Variants in FAM13B observed in about 807,000 individuals in gnomAD.
FAM13B encodes protein FAM13B.
FAM13B carries 60 observed loss-of-function variants against 117.3 expected under a neutral mutation model. The ratio of observed to expected loss-of-function variants is 0.51; its 90% confidence interval spans 0.42 to 0.63. The LOEUF is 0.63. Ranked by LOEUF, FAM13B falls within the 30% of genes least tolerant of loss-of-function variation. The probability of loss-of-function intolerance (pLI) is 0.00; values close to 1 mark genes in which losing one functional copy is unlikely to be tolerated. For missense variants in FAM13B, 972 were observed against 1,091.9 expected (o/e 0.89, Z 1.55); for synonymous variants, 332 against 356.1 (o/e 0.93, Z 0.76).
intron 7 of FAM13B, among the ~76,000 whole-genome samples, chr5:137,991,461 G>A (rs931595576): frequency 6.6e-6 from 1 of 152,198 alleles, no homozygotes; most frequent in African/African-American, 2.4e-5. Context: ...CATCTCTAGA[G>A]CAGGGATGTC....
chr5:137,973,826 T>C (rs1773069574), intron 10 of FAM13B, among the ~76,000 whole-genome samples: 1 of 137,472 alleles, frequency 7.3e-6, no homozygotes, highest in Non-Finnish European at 1.6e-5. Context: ...AAAGAAGACA[T>C]TTATGCAGCC....
rs752750180 is a variant in FAM13B at position 137,954,288 on chromosome 5, G to T, written c.1596C>A (p.His532Gln). The T allele has an allele frequency of 1.2e-6, 2 of 1,613,880 alleles. No individual in the cohort carries two copies. The highest frequency in any genetic ancestry group is 1.7e-5 in the Admixed American group (1 of 59,992). Reference protein sequence around the residue: ...LSPQAGRMNHHPLEEDCPPVL... With the variant: ...LSPQAGRMNHQPLEEDCPPVL... ...CTGGAGGACAGTCCTCTTCCAAGGG[G>T]TGATGATTCATTCTTCCAGCTTGTG... The change falls in exon 15 of 24, where the codon CAC becomes CAA. Residue 532 changes from histidine (H) to glutamine (Q), a missense_variant. His to Gln is a conservative substitution (Grantham distance 24). Transcript: ENST00000689681.
chr5:138,021,577 T>A (rs1481841144), intron 1 of FAM13B, among the ~76,000 whole-genome samples: 1 of 152,166 alleles, frequency 6.6e-6, no homozygotes, highest in Admixed American at 6.6e-5. Flanking sequence ...TTTCAAAAGA[T>A]CAAAGAATCA....
chr5:138,032,174 C>T (rs561384329), intron 1 of FAM13B, among the ~76,000 whole-genome samples: 42 of 152,318 alleles, frequency 2.8e-4, no homozygotes, highest in African/African-American at 8.7e-4. Context: ...GGAAACCAGG[C>T]GTGCCACGCG....
At chr5:137,954,781 A>C (rs1166153051) in intron 14 of FAM13B, among the ~76,000 whole-genome samples, 1 of 151,802 alleles carries the variant, frequency 6.6e-6, no homozygotes, top group Non-Finnish European at 1.5e-5. Context: ...ACGCCTGACT[A>C]ATTTTCTTTT....
In FAM13B at chr5:138,045,633, C is replaced by A. The variant is rs111279852; in HGVS notation, c.-203+6245G>T. On this transcript the variant is annotated intron_variant, in intron 1 of 3. Coordinates refer to the FAM13B transcript ENST00000502471. ...GAAGGTAAATAAAATACAAAAGAAA[C>A]CTACAGAATGGCTCTTTTATAAAGT... Among the ~76,000 whole-genome samples, 8 of 152,158 alleles carry A rather than the reference C, an allele frequency of 5.3e-5. 1 individual carries two copies. Among genetic ancestry groups the A allele is most frequent in the African/African-American group, 1.9e-4 (8 of 41,530 alleles).
chr5:137,988,233 T>A, intron 8 of FAM13B, 41 bp downstream of exon 8: 1 of 1,435,520 alleles, frequency 7.0e-7, no homozygotes, highest in African/African-American at 1.5e-5. Context: ...AGTAGTATTT[T>A]AAAATCTTAA....
At chr5:138,022,868 AC>A (rs1787147343) in intron 1 of FAM13B, among the ~76,000 whole-genome samples, 1 of 151,200 alleles carries the variant, frequency 6.6e-6, no homozygotes, top group African/African-American at 2.4e-5. Flanking sequence ...TCACTCTGTC[AC>A]CCAGGCTGGA....
At chr5:138,004,835 G>A (rs750947279) in intron 7 of FAM13B, among the ~76,000 whole-genome samples, 1 of 152,034 alleles carries the variant, frequency 6.6e-6, no homozygotes, top group Non-Finnish European at 1.5e-5. Context: ...CTGTGATTGT[G>A]CCACTGCACT....
intron 10 of FAM13B, among the ~76,000 whole-genome samples, chr5:137,984,766 G>T (rs1040714642): frequency 4.8e-4 from 71 of 147,974 alleles, no homozygotes; most frequent in African/African-American, 1.6e-3. Context: ...AAAATAAGTT[G>T]TTTTTTTTTT....
chr5:138,030,721 C>G (rs1004970076), intron 1 of FAM13B, among the ~76,000 whole-genome samples: 6 of 142,396 alleles, frequency 4.2e-5, no homozygotes, highest in Non-Finnish European at 6.1e-5. Flanking sequence ...TCCCCCCCCC[C>G]CAAAAAAAAA....
At chr5:137,954,555 T>A (rs34027179) in intron 14 of FAM13B, 179 bp from the exon 15 acceptor site, 74 of 323,582 alleles carry the variant, frequency 2.3e-4, no homozygotes, top group African/African-American at 1.1e-3. Flanking sequence ...TATATATATA[T>A]AATCTTCATA....
chr5:138,025,361 G>A (rs1223431287), intron 1 of FAM13B, among the ~76,000 whole-genome samples: 1 of 137,656 alleles, frequency 7.3e-6, no homozygotes, highest in Non-Finnish European at 1.5e-5. Context: ...TGTTGCCCAG[G>A]CTGGAGTACA....
chr5:138,031,763 C>T (rs1356073651), intron 1 of FAM13B, among the ~76,000 whole-genome samples: 1 of 151,674 alleles, frequency 6.6e-6, no homozygotes, highest in African/African-American at 2.4e-5. Flanking sequence ...CATCAACAAG[C>T]ACTTAGTAAA....
intron 10 of FAM13B, among the ~76,000 whole-genome samples, chr5:137,979,012 A>G (rs1422611359): frequency 7.0e-6 from 1 of 143,692 alleles, no homozygotes; most frequent in Admixed American, 6.9e-5. Flanking sequence ...CACAGTTCAG[A>G]CTTTTTTTTT....
At chr5:138,012,688 G>A (rs927333925) in intron 4 of FAM13B, among the ~76,000 whole-genome samples, 5 of 152,150 alleles carry the variant, frequency 3.3e-5, no homozygotes, top group African/African-American at 1.2e-4. Context: ...GGAGAAATAA[G>A]TGCTCAGAGG....
At chr5:137,945,128 C>A (rs1408097379) in intron 20 of FAM13B, among the ~76,000 whole-genome samples, 4 of 152,068 alleles carry the variant, frequency 2.6e-5, no homozygotes, top group Non-Finnish European at 5.9e-5. Context: ...AAGAAAGTCA[C>A]CAGGCAGTCA....
At chr5:138,049,419 G>A (rs534604759) in intron 1 of FAM13B, among the ~76,000 whole-genome samples, 46 of 151,972 alleles carry the variant, frequency 3.0e-4, no homozygotes, top group Non-Finnish European at 5.6e-4. Context: ...GACTACAGGC[G>A]TGTGCTACCA....
upstream of FAM13B, chr5:138,036,565 C>T (rs1791184171): frequency 2.2e-6 from 1 of 456,630 alleles, no homozygotes; most frequent in South Asian, 1.5e-5. Context: ...GGCAGGCAGG[C>T]ACCTGTGGTA....
Sources: gnomAD v4.1 joint callset for allele counts (sites outside exome capture counted in the v4.1 genomes callset) on GRCh38, gnomAD v4.1.1 for gene constraint, MANE v1.5 for transcripts, NCBI Gene and HGNC (gene_info 2026-07-23, HGNC 2026-07-21) for gene names.